The following PIK3R3 variants were observed in gnomAD, a reference collection of about 807,000 sequenced individuals.
PIK3R3 encodes the protein phosphatidylinositol 3-kinase regulatory subunit gamma.
PIK3R3 carries 64 observed loss-of-function variants against 62.9 expected under a neutral mutation model. The ratio of observed to expected loss-of-function variants is 1.02; its 90% CI spans 0.83 to 1.25. The LOEUF (loss-of-function observed/expected upper bound fraction) is 1.25. PIK3R3 is among the 50% of genes most tolerant of loss of function. The pLI, the probability that PIK3R3 is intolerant of heterozygous loss-of-function variation, is 0.00. For missense variants in PIK3R3, 614 were observed against 561.6 expected, an observed-to-expected ratio of 1.09 and a Z score of -0.94; for synonymous variants, 165 against 189.0, an observed-to-expected ratio of 0.87 and a Z score of 1.04.
the PIK3R3 span, among the ~76,000 whole-genome samples, chr1:46,153,298 C>G: frequency 6.6e-6 from 1 of 152,134 alleles, no homozygotes; most frequent in Non-Finnish European, 1.5e-5. Flanking sequence ...AGGAATTAAC[C>G]CTACCTCAAA....
At chr1:46,127,901 T>A (rs1655236471) in intron 1 of PIK3R3, among the ~76,000 whole-genome samples, 1 of 152,170 alleles carries the variant, frequency 6.6e-6, no homozygotes, top group African/African-American at 2.4e-5. Context: ...AACAGTTCAG[T>A]ATATCTACTG....
At chr1:46,164,697 T>C in the PIK3R3 span, among the ~76,000 whole-genome samples, 2 of 152,160 alleles carry the variant, frequency 1.3e-5, no homozygotes, top group Non-Finnish European at 1.5e-5. Context: ...TGGTCCCTGC[T>C]TACCTTTCTA....
chr1:46,122,472 C>T (rs1174474365), intron 1 of PIK3R3, among the ~76,000 whole-genome samples: 3 of 152,086 alleles, frequency 2.0e-5, no homozygotes, highest in Non-Finnish European at 4.4e-5. Context: ...AGGGATCAAG[C>T]GATTCTCCTG....
At chr1:46,158,367 C>T in the PIK3R3 span, among the ~76,000 whole-genome samples, 2 of 152,220 alleles carry the variant, frequency 1.3e-5, no homozygotes, top group African/African-American at 4.8e-5. Context: ...CCACTTGTGA[C>T]TTGCGCATGC....
intron 6 of PIK3R3, among the ~76,000 whole-genome samples, chr1:46,059,455 A>C (rs1483512617): frequency 6.6e-6 from 1 of 152,210 alleles, no homozygotes; most frequent in Non-Finnish European, 1.5e-5. Context: ...ACGTTTTGCT[A>C]TACTCTGAAC....
Position 46,066,968 on chromosome 1 carries a change from A to G in PIK3R3, c.438T>C (p.Ala146=). The change falls in exon 4 of 10, where the codon GCT becomes GCC. Residue 146 remains alanine, a synonymous_variant. Transcript: ENST00000262741. The part of the protein sequence containing the change: ...LINHYHHESL[A]QYNPKLDVKL... ...TCACATCAAGTTTGGGATTGTACTG[A>G]GCAAGAGATTCATGGTGATAGTGGT... The G allele has an allele frequency of 6.2e-7, 1 of 1,613,302 alleles. No homozygotes were observed. The highest frequency in any genetic ancestry group is 8.5e-7 in the Non-Finnish European group (1 of 1,179,630).
the PIK3R3 span, among the ~76,000 whole-genome samples, chr1:46,152,482 T>C: frequency 3.3e-5 from 5 of 152,254 alleles, no homozygotes; most frequent in African/African-American, 7.2e-5. Context: ...GTTGTTTTCT[T>C]ATGGAGATTG....
chr1:46,121,282 G>A (rs1654648158), intron 1 of PIK3R3, among the ~76,000 whole-genome samples: 1 of 152,122 alleles, frequency 6.6e-6, no homozygotes, highest in South Asian at 2.1e-4. Context: ...TTCTATAAAT[G>A]TCTATTAGAA....
chr1:46,050,521 C>T (rs1647265537), intron 7 of PIK3R3, among the ~76,000 whole-genome samples: 1 of 150,914 alleles, frequency 6.6e-6, no homozygotes, highest in African/African-American at 2.4e-5. Context: ...GCCAAGATTG[C>T]ACCATTGCAC....
Position 46,080,681 on chromosome 1 carries a change from G to A in PIK3R3, c.176C>T (p.Ser59Phe). 1 of 1,613,518 alleles carries A rather than the reference G, an allele frequency of 6.2e-7. No individual in the cohort carries two copies. Among genetic ancestry groups the A allele is most frequent in the East Asian group, 2.2e-5 (1 of 44,872 alleles). The change falls in exon 2 of 10, where the codon TCT becomes TTT. Residue 59 changes from serine (S) to phenylalanine (F), a missense_variant. Ser to Phe is a radical substitution (Grantham distance 155). Transcript: ENST00000262741. Reference protein sequence around the residue: ...VPNGMKDSSVSLQDAEWYWGD... With the variant: ...VPNGMKDSSVFLQDAEWYWGD... ...CCAGTACCATTCTGCATCCTGAAGA[G>A]AAACAGAACTGTCCTTCATTCCATT...
chr1:46,079,101 G>C (rs1029156697), intron 2 of PIK3R3, among the ~76,000 whole-genome samples: 6 of 80,314 alleles, frequency 7.5e-5, no homozygotes, highest in African/African-American at 2.4e-4. Context: ...GAAATCGTAA[G>C]GGTAAAAAAA....
In PIK3R3 at chr1:46,131,853, G is replaced by A; in HGVS notation, c.100C>T (p.Pro34Ser). 1 of 1,612,186 alleles carries A rather than the reference G, an allele frequency of 6.2e-7. No individual in the cohort carries two copies. Among genetic ancestry groups the A allele is most frequent in the Admixed American group, 1.7e-5 (1 of 59,962 alleles). Residue 34 changes from proline to serine, a missense_variant, in exon 1 of 10, where the codon CCT (proline) becomes TCT (serine). Physicochemically the swap from Pro to Ser is moderately conservative, Grantham distance 74. Transcript: ENST00000262741. Reference protein sequence around the residue: ...TELIFYIEMDPPALPPKPPKP... With the variant: ...TELIFYIEMDSPALPPKPPKP... ...TTTTTTTTCTCCCAAGTACCTGGAG[G>A]ATCCATTTCAATATAAAATATCAGT... is the stretch of plus-strand genomic sequence containing the variant.
the PIK3R3 span, among the ~76,000 whole-genome samples, chr1:46,166,186 A>G: frequency 6.6e-6 from 1 of 151,572 alleles, no homozygotes; most frequent in African/African-American, 2.4e-5. Flanking sequence ...CCATCTGTCT[A>G]TTCCTATGCT....
At chr1:46,087,312 T>C (rs1043122102) in intron 1 of PIK3R3, among the ~76,000 whole-genome samples, 1 of 147,196 alleles carries the variant, frequency 6.8e-6, no homozygotes, top group African/African-American at 2.5e-5. Context: ...TGTTTTAGAA[T>C]GTAAAAAAAA....
rs1433465649 is a variant in PIK3R3, at chr1:46,055,954, T to C, written c.782A>G (p.Asp261Gly). 1 of 1,576,156 alleles carries C rather than the reference T, an allele frequency of 6.3e-7. No homozygotes were observed. Among genetic ancestry groups the C allele is most frequent in the Non-Finnish European group, 8.6e-7 (1 of 1,163,106 alleles). Residue 261 changes from aspartate to glycine, a missense_variant, in exon 7 of 10, where the codon GAT becomes GGT. Physicochemically the swap from Asp to Gly is moderately conservative, Grantham distance 94. Coordinates refer to ENST00000262741, the MANE Select transcript of PIK3R3 (RefSeq NM_003629.4). ...KEIERIMMNY[D>G]KLKSRLGEIH... Reference sequence around the variant, plus strand: ...CTCACCCAGACGTGATTTCAATTTATCATAATTCATCATAATTCTGTAAAA... The same window carrying C: ...CTCACCCAGACGTGATTTCAATTTACCATAATTCATCATAATTCTGTAAAA...
intron 1 of PIK3R3, among the ~76,000 whole-genome samples, chr1:46,088,616 G>GA (rs538627578): frequency 2.1e-3 from 312 of 151,986 alleles, no homozygotes; most frequent in African/African-American, 7.2e-3. Flanking sequence ...AGAAAGTAAT[G>GA]AAAAAATAGG....
At chr1:46,059,210 G>A (rs999077018) in intron 6 of PIK3R3, among the ~76,000 whole-genome samples, 14 of 152,264 alleles carry the variant, frequency 9.2e-5, no homozygotes, top group East Asian at 1.9e-4. Context: ...CCCTAGTCAC[G>A]TGGAACTGTA....
intron 9 of PIK3R3, among the ~76,000 whole-genome samples, chr1:46,045,515 G>T (rs1411953748): frequency 6.8e-6 from 1 of 146,294 alleles, no homozygotes; most frequent in African/African-American, 2.5e-5. Context: ...TTTAGATAGA[G>T]TTTTCCTTCT....
At chr1:46,053,125 T>G (rs1004303062) in intron 7 of PIK3R3, among the ~76,000 whole-genome samples, 3 of 152,114 alleles carry the variant, frequency 2.0e-5, no homozygotes, top group African/African-American at 7.2e-5. Context: ...ACTATTCTCC[T>G]GGAAGCAGCC....
Sources: allele counts gnomAD v4.1 joint callset (sites outside exome capture counted in the v4.1 genomes callset), GRCh38; gene constraint gnomAD v4.1.1; transcripts MANE v1.5; gene names NCBI Gene and HGNC (gene_info 2026-07-23, HGNC 2026-07-21).